Variants in PRKD1 observed in about 807,000 individuals in gnomAD.
PRKD1 encodes the protein protein kinase D1.
Under a neutral mutation model 95.9 loss-of-function variants are expected in PRKD1, and 63 were observed. The observed-to-expected ratio is 0.66, with a 90% CI of 0.54 to 0.81. The LOEUF is 0.81. PRKD1 is among the 30% of genes least tolerant of loss of function. The probability of loss-of-function intolerance (pLI) is 0.00; values close to 1 mark genes in which losing one functional copy is unlikely to be tolerated. For synonymous variants in PRKD1, 425 were observed against 423.1 expected (o/e 1.00, Z -0.05); for missense variants, 1,048 against 1,165.3 (o/e 0.90, Z 1.47).
chr14:29,621,313 G>T (rs1005322587), intron 13 of PRKD1, among the ~76,000 whole-genome samples: 1 of 151,700 alleles, frequency 6.6e-6, no homozygotes, highest in Non-Finnish European at 1.5e-5. Context: ...TGCACATTAT[G>T]CACGTGTACC....
intron 1 of PRKD1, among the ~76,000 whole-genome samples, chr14:29,901,412 T>C (rs1894313273): frequency 6.6e-6 from 1 of 152,146 alleles, no homozygotes; most frequent in African/African-American, 2.4e-5. Flanking sequence ...GGTGATGGGA[T>C]CATCTGTACC....
intron 1 of PRKD1, among the ~76,000 whole-genome samples, chr14:29,749,090 T>C (rs1434383256): frequency 1.3e-5 from 2 of 152,222 alleles, no homozygotes; most frequent in Non-Finnish European, 2.9e-5. Context: ...TTGTCTTTTA[T>C]GCTTTTCTGC....
intron 2 of PRKD1, among the ~76,000 whole-genome samples, chr14:29,698,342 A>G (rs1477268700): frequency 6.6e-6 from 1 of 152,156 alleles, no homozygotes. Flanking sequence ...TATTATTTAT[A>G]AGGAAAGCTT....
intron 1 of PRKD1, among the ~76,000 whole-genome samples, chr14:29,862,545 T>C (rs1892746692): frequency 6.6e-6 from 1 of 152,244 alleles, no homozygotes; most frequent in Non-Finnish European, 1.5e-5. Context: ...CAGCATTTAT[T>C]TGCCTTTTGG....
intron 1 of PRKD1, among the ~76,000 whole-genome samples, chr14:29,922,103 C>T (rs975494487): frequency 1.3e-5 from 2 of 151,626 alleles, no homozygotes; most frequent in Non-Finnish European, 2.9e-5. Flanking sequence ...AGATCGAGAC[C>T]ATCCTGGATA....
intron 2 of PRKD1, among the ~76,000 whole-genome samples, chr14:29,689,865 T>C (rs1158474999): frequency 6.6e-6 from 1 of 152,074 alleles, no homozygotes; most frequent in Admixed American, 6.6e-5. Flanking sequence ...AGCAAATTAA[T>C]GAACAGAAAA....
chr14:29,599,805 G>A lies in PRKD1; in HGVS notation c.1918C>T (p.Pro640Ser), dbSNP rs1278395721. ...EVAILQNLHH[P>S]GVVNLECMFE... ...ATACACTCCAAATTTACAACACCAG[G>A]GTGATGAAGGTTCTATTAAAGATAA... The change falls in exon 14 of 18, where the codon CCT becomes TCT. Residue 640 changes from proline to serine, a missense_variant. By Grantham distance (74) the Pro-to-Ser change is moderately conservative. Around this residue, in one of 3 missense-constraint regions of PRKD1, gnomAD observed 739 missense variants for 861.9 expected, o/e 0.86. Coordinates refer to ENST00000331968, the MANE Select transcript of PRKD1 (RefSeq NM_002742.3). 1.2e-6 allele frequency: 2 copies of A among 1,606,532 alleles called. No individual in the cohort carries two copies. Among genetic ancestry groups the A allele is most frequent in the Non-Finnish European group, 1.7e-6 (2 of 1,177,966 alleles).
chr14:29,728,172 G>A (rs1389911457), intron 1 of PRKD1, among the ~76,000 whole-genome samples: 2 of 150,656 alleles, frequency 1.3e-5, no homozygotes, highest in African/African-American at 4.9e-5. Context: ...ATAAAAAAAA[G>A]AAATATCTCC....
At chr14:29,814,229 G>A (rs1890602375) in intron 1 of PRKD1, among the ~76,000 whole-genome samples, 1 of 152,126 alleles carries the variant, frequency 6.6e-6, no homozygotes, top group African/African-American at 2.4e-5. Context: ...TGACTGTATT[G>A]TCTGTCCCAC....
At chr14:29,882,685 C>T (rs1220350591) in intron 1 of PRKD1, among the ~76,000 whole-genome samples, 1 of 152,212 alleles carries the variant, frequency 6.6e-6, no homozygotes, top group Non-Finnish European at 1.5e-5. Flanking sequence ...AACTGCCATT[C>T]TACTTTCTGT....
At chr14:29,649,745 T>C (rs1176357241) in intron 4 of PRKD1, among the ~76,000 whole-genome samples, 1 of 152,226 alleles carries the variant, frequency 6.6e-6, no homozygotes, top group East Asian at 1.9e-4. Flanking sequence ...GGGGTTAACT[T>C]GACTTTTTGA....
chr14:29,822,393 T>C lies in PRKD1; in HGVS notation c.265-96719A>G, dbSNP rs540262811. 2.6e-5 allele frequency among the ~76,000 whole-genome samples: 4 copies of C among 152,322 alleles called. No homozygotes were observed. In the South Asian group the frequency reaches 6.2e-4, roughly 24 times the overall value. ...TCATTTAGTGAGCATTTCTCTTGGGTCAATATTCACTTTATGTCTTTCTAA... is the reference window on the plus strand; with the variant it reads ...TCATTTAGTGAGCATTTCTCTTGGGCCAATATTCACTTTATGTCTTTCTAA... On this transcript the variant is annotated intron_variant, in intron 1 of 17. Coordinates refer to ENST00000331968, the MANE Select transcript of PRKD1 (RefSeq NM_002742.3).
intron 1 of PRKD1, among the ~76,000 whole-genome samples, chr14:29,860,558 G>T (rs183032066): frequency 6.6e-6 from 1 of 152,072 alleles, no homozygotes. Context: ...TATCACCTGG[G>T]GAAGTTGTTG....
At chr14:29,920,776 G>A (rs188683147) in intron 1 of PRKD1, among the ~76,000 whole-genome samples, 1 of 152,258 alleles carries the variant, frequency 6.6e-6, no homozygotes, top group East Asian at 1.9e-4. Flanking sequence ...ACTTGTGATT[G>A]GTTTTGCCAA....
In PRKD1 at chr14:29,927,350, TCTGCAGA is replaced by T. The variant is rs1895342593; in HGVS notation, c.156_162del (p.His52GlnfsTer4). 6.4e-7 allele frequency: 1 copy of T among 1,566,272 alleles called. No individual in the cohort carries two copies. On this transcript the variant is annotated frameshift_variant, in exon 1 of 18. Coordinates refer to ENST00000331968, the MANE Select transcript of PRKD1 (RefSeq NM_002742.3). LOFTEE classifies it high-confidence loss of function. ...AGCACCGGCTCACGGCTCAGGCCGA[TCTGCAGA>T]TGGAACGAGATGCCCCCGACCGGGG...
chr14:29,597,801 T>C, intron 15 of PRKD1, 43 bp from the exon 16 acceptor site: 1 of 1,551,438 alleles, frequency 6.4e-7, no homozygotes, highest in Non-Finnish European at 8.7e-7. Flanking sequence ...TTCACAATTG[T>C]GTGTCTGTGT....
intron 2 of PRKD1, among the ~76,000 whole-genome samples, chr14:29,680,968 G>A (rs2225900): frequency 0.44 from 66,907 of 151,946 alleles, 15,351 homozygotes; most frequent in African/African-American, 0.57. Flanking sequence ...GATGAATTGA[G>A]TGGCCTAAGA....
intron 2 of PRKD1, among the ~76,000 whole-genome samples, chr14:29,668,991 T>C (rs972185320): frequency 4.6e-5 from 7 of 152,018 alleles, no homozygotes; most frequent in African/African-American, 1.7e-4. Flanking sequence ...CAGCCACCAT[T>C]ACTCAACTTG....
At chr14:29,826,104 T>C (rs985061695) in intron 1 of PRKD1, among the ~76,000 whole-genome samples, 2 of 150,734 alleles carry the variant, frequency 1.3e-5, no homozygotes, top group Non-Finnish European at 3.0e-5. Context: ...AGAAACTGCG[T>C]GGTATGTGTG....
Sources: allele counts gnomAD v4.1 joint callset (sites outside exome capture counted in the v4.1 genomes callset), GRCh38; gene constraint gnomAD v4.1.1; regional missense constraint gnomAD v4.1.1; transcripts MANE v1.5; gene names NCBI Gene and HGNC (gene_info 2026-07-23, HGNC 2026-07-21).